PTPRD: variants seen among roughly 807,000 people sequenced by gnomAD.
PTPRD encodes protein tyrosine phosphatase receptor type D, also known as receptor-type tyrosine-protein phosphatase delta.
In PTPRD, 34 loss-of-function variants were observed where a neutral mutation model predicts 214.5. The ratio of observed to expected loss-of-function variants is 0.16; its 90% confidence interval spans 0.12 to 0.21. The LOEUF is 0.21. Among genes scored for constraint, PTPRD ranks in the 10% least tolerant of loss-of-function variants. The pLI, the probability that PTPRD is intolerant of heterozygous loss-of-function variation, is 1.00. For synonymous variants in PTPRD, 1,128 were observed against 845.7 expected, an observed-to-expected ratio of 1.33 and a Z score of -5.79; for missense variants, 2,545 against 2,398.7, an observed-to-expected ratio of 1.06 and a Z score of -1.27.
intron 4 of PTPRD, among the ~76,000 whole-genome samples, chr9:9,979,690 G>T (rs2095474291): frequency 6.6e-6 from 1 of 152,126 alleles, no homozygotes; most frequent in Admixed American, 6.5e-5. Context: ...ATAATTTATA[G>T]ATTGTGAATA....
chr9:10,557,013 T>C (rs1439013450), intron 2 of PTPRD, among the ~76,000 whole-genome samples: 1 of 152,126 alleles, frequency 6.6e-6, no homozygotes, highest in Non-Finnish European at 1.5e-5. Flanking sequence ...CATTCCTGTA[T>C]GGTTATATTA....
In PTPRD at chr9:9,410,979, A is replaced by C. The variant is rs557895081; in HGVS notation, c.-236-13497T>G. ...TGTGGGCGCGTGCCTGCCTTCATCA[A>C]ATGAAAAGTAGGCCAAATATACATG... On this transcript the variant is annotated intron_variant, in intron 8 of 45. Transcript: ENST00000381196. Among the ~76,000 whole-genome samples, 19 of 152,208 alleles carry C rather than the reference A, an allele frequency of 1.2e-4. No homozygotes were observed. The South Asian group carries it at 2.7e-3, about 22-fold the overall frequency.
At chr9:8,748,530 AAAAAAAAAAAG>A (rs1286748409) in intron 11 of PTPRD, among the ~76,000 whole-genome samples, 8 of 141,906 alleles carry the variant, frequency 5.6e-5, no homozygotes, top group African/African-American at 1.7e-4. Flanking sequence ...TGCAAAAAAA[AAAAAAAAAAAG>A]AAAAAGAAAA....
At chr9:10,534,791 A>AT (rs1408769500) in intron 2 of PTPRD, among the ~76,000 whole-genome samples, 1 of 152,196 alleles carries the variant, frequency 6.6e-6, no homozygotes, top group East Asian at 1.9e-4. Context: ...GCACCATTTC[A>AT]TTTAATTAGT....
intron 5 of PTPRD, among the ~76,000 whole-genome samples, chr9:9,917,385 C>T (rs1165972220): frequency 1.1e-5 from 1 of 93,562 alleles, no homozygotes; most frequent in African/African-American, 3.7e-5. Flanking sequence ...CACAGGAATA[C>T]AAAACATTAT....
At chr9:9,960,741 C>T (rs923257815) in intron 4 of PTPRD, among the ~76,000 whole-genome samples, 4 of 152,062 alleles carry the variant, frequency 2.6e-5, no homozygotes, top group African/African-American at 9.7e-5. Context: ...CTGTCACAAC[C>T]AAGAGGACCC....
At chr9:10,567,614 G>T (rs1410701725) in intron 2 of PTPRD, among the ~76,000 whole-genome samples, 1 of 151,926 alleles carries the variant, frequency 6.6e-6, no homozygotes, top group Admixed American at 6.6e-5. Flanking sequence ...TTTAGAATCT[G>T]ATAGTCAAAT....
chr9:9,128,172 C>G (rs575255881), intron 10 of PTPRD, among the ~76,000 whole-genome samples: 8 of 152,244 alleles, frequency 5.3e-5, no homozygotes, highest in South Asian at 2.1e-4. Context: ...TGTGTGTGAC[C>G]ATGATGCTTT....
intron 8 of PTPRD, among the ~76,000 whole-genome samples, chr9:9,488,072 T>C (rs1007702553): frequency 1.3e-5 from 2 of 152,194 alleles, no homozygotes; most frequent in African/African-American, 2.4e-5. Flanking sequence ...TCCACTATTA[T>C]TGTAACCTTT....
chr9:8,855,557 C>T (rs1029824291), intron 11 of PTPRD, among the ~76,000 whole-genome samples: 1 of 152,076 alleles, frequency 6.6e-6, no homozygotes, highest in African/African-American at 2.4e-5. Context: ...TTGAGAGAGA[C>T]AGTGTTCCTA....
At chr9:10,019,372 T>C (rs946963598) in intron 4 of PTPRD, among the ~76,000 whole-genome samples, 5 of 152,178 alleles carry the variant, frequency 3.3e-5, no homozygotes, top group African/African-American at 1.2e-4. Flanking sequence ...AGTGTGGCGA[T>C]TCCTTAGGGA....
intron 4 of PTPRD, among the ~76,000 whole-genome samples, chr9:10,007,881 G>T (rs1474102170): frequency 6.6e-6 from 1 of 151,886 alleles, no homozygotes; most frequent in Non-Finnish European, 1.5e-5. Flanking sequence ...GTAAAATTTA[G>T]GTTATTCTAT....
chr9:10,254,470 G>C (rs1352079031), intron 3 of PTPRD, among the ~76,000 whole-genome samples: 3 of 151,940 alleles, frequency 2.0e-5, no homozygotes, highest in Non-Finnish European at 2.9e-5. Flanking sequence ...TTGTTGCCAG[G>C]CTGATGGCCA....
At chr9:9,220,159 G>C (rs1005745401) in intron 9 of PTPRD, among the ~76,000 whole-genome samples, 1 of 151,990 alleles carries the variant, frequency 6.6e-6, no homozygotes, top group Non-Finnish European at 1.5e-5. Flanking sequence ...ATCATTGAAG[G>C]ACTACCTAAA....
At chr9:8,662,164 G>T (rs1417878548) in intron 12 of PTPRD, among the ~76,000 whole-genome samples, 2 of 152,120 alleles carry the variant, frequency 1.3e-5, no homozygotes, top group East Asian at 3.9e-4. Flanking sequence ...TTTTACATAA[G>T]TGAGAGACAA....
intron 12 of PTPRD, among the ~76,000 whole-genome samples, chr9:8,687,253 C>A (rs1222415824): frequency 2.6e-5 from 4 of 152,146 alleles, no homozygotes; most frequent in African/African-American, 9.7e-5. Context: ...CATTTGGTTT[C>A]AAAGCGCTTT....
intron 14 of PTPRD, among the ~76,000 whole-genome samples, chr9:8,632,839 C>T (rs972426754): frequency 2.6e-5 from 4 of 151,860 alleles, no homozygotes; most frequent in African/African-American, 9.7e-5. Context: ...TTTTTTTTCA[C>T]ATAAGACAGG....
intron 8 of PTPRD, among the ~76,000 whole-genome samples, chr9:9,407,465 T>C (rs1314708204): frequency 2.0e-5 from 3 of 151,820 alleles, no homozygotes; most frequent in African/African-American, 7.2e-5. Context: ...GGTATCTACA[T>C]TGAGTATACC....
At chr9:9,351,620 C>T (rs148264229) in intron 9 of PTPRD, among the ~76,000 whole-genome samples, 5 of 152,048 alleles carry the variant, frequency 3.3e-5, no homozygotes, top group Admixed American at 1.3e-4. Context: ...AACCAAGAAG[C>T]CTTGGAAAGA....
Sources: gnomAD v4.1 joint callset for allele counts (sites outside exome capture counted in the v4.1 genomes callset) on GRCh38, gnomAD v4.1.1 for gene constraint, MANE v1.5 for transcripts, NCBI Gene and HGNC (gene_info 2026-07-23, HGNC 2026-07-21) for gene names.